PRPSAP1: variants seen among roughly 807,000 people sequenced by gnomAD.
PRPSAP1 encodes phosphoribosyl pyrophosphate synthetase associated protein 1.
In PRPSAP1, 31 loss-of-function variants were observed where a neutral mutation model predicts 39.4. The ratio of observed to expected loss-of-function variants is 0.79; its 90% CI spans 0.59 to 1.06. The LOEUF (loss-of-function observed/expected upper bound fraction) is 1.06. Among genes scored for constraint, PRPSAP1 ranks in the 50% least tolerant of loss-of-function variants. The pLI is 0.00. For synonymous variants in PRPSAP1, 212 were observed against 192.6 expected, an observed-to-expected ratio of 1.10 and a Z score of -0.83; for missense variants, 430 against 511.6, an observed-to-expected ratio of 0.84 and a Z score of 1.54.
At chr17:76,344,821 C>A (rs2071478380) in intron 2 of PRPSAP1, 84 bp from the exon 3 acceptor site, 3 of 1,038,552 alleles carry the variant, frequency 2.9e-6, no homozygotes, top group Middle Eastern at 2.4e-4. Flanking sequence ...TACTTCATGC[C>A]GGGCGCGGTG....
At chr17:76,332,118 G>A (rs896478819) in intron 4 of PRPSAP1, 145 bp downstream of exon 4, 23 of 893,464 alleles carry the variant, frequency 2.6e-5, no homozygotes, top group South Asian at 1.5e-4. Context: ...ATTTCTAACC[G>A]AGCTCACATA....
At chr17:76,325,226 G>A (rs1390918931) in intron 7 of PRPSAP1, among the ~76,000 whole-genome samples, 4 of 151,100 alleles carry the variant, frequency 2.6e-5, no homozygotes, top group East Asian at 2.0e-4. Context: ...TGGCTAACTC[G>A]GTGAAATGCC....
At chr17:76,328,279 A>G (rs2071275285) in intron 7 of PRPSAP1, among the ~76,000 whole-genome samples, 1 of 152,066 alleles carries the variant, frequency 6.6e-6, no homozygotes. Flanking sequence ...GATAACTCCT[A>G]GCCATTCATA....
intron 3 of PRPSAP1, among the ~76,000 whole-genome samples, chr17:76,342,411 T>C (rs1359377322): frequency 6.6e-6 from 1 of 151,996 alleles, no homozygotes; most frequent in African/African-American, 2.4e-5. Context: ...TCTTCAAATG[T>C]GTCAAAGTTT....
chr17:76,352,913 AC>A (rs2071594064), intron 1 of PRPSAP1: 1 of 152,208 alleles, frequency 6.6e-6, no homozygotes, highest in South Asian at 2.1e-4. Context: ...GCGACTTAAG[AC>A]CAGGGGCTTG....
intron 1 of PRPSAP1, among the ~76,000 whole-genome samples, chr17:76,349,008 C>A (rs895382852): frequency 3.4e-4 from 51 of 152,108 alleles, no homozygotes; most frequent in Middle Eastern, 6.8e-3. Context: ...TAGAATAAAC[C>A]AAGTGTAAAA....
chr17:76,330,252 A>G lies in PRPSAP1; in HGVS notation c.580-154T>C, dbSNP rs1334025298. 3 of 652,350 alleles carry G rather than the reference A, an allele frequency of 4.6e-6. No homozygotes were observed. The Admixed American group carries it at 8.9e-5, about 19-fold the overall frequency. The allele number at this position is 652,350 out of a possible 1,614,324, so 40.4% of individuals were successfully genotyped here. On this transcript the variant is annotated intron_variant, in intron 5 of 9. Transcript: ENST00000446526. ...AGTTTTAGATTTTTCAATATTTATC[A>G]ATTAACATCACTGGAAAAAGCACTC...
In PRPSAP1 at chr17:76,311,427, A is replaced by G; in HGVS notation, c.*115T>C. On this transcript the variant is annotated 3_prime_UTR_variant, in exon 10 of 10. Coordinates refer to ENST00000446526, the MANE Select transcript of PRPSAP1 (RefSeq NM_002766.3). ...TCCCCATCAATCCGGGCAAAAGAAG[A>G]TATCTAACTCCAGGCTGTTTCGAGT... The G allele has an allele frequency of 1.7e-6, 2 of 1,173,526 alleles. No individual in the cohort carries two copies. The highest frequency in any genetic ancestry group is 1.2e-6 in the Non-Finnish European group (1 of 854,336). 72.7% of individuals were successfully genotyped at this position (1,173,526 alleles called of 1,614,324 possible).
intron 9 of PRPSAP1, among the ~76,000 whole-genome samples, chr17:76,312,277 A>T (rs379503): frequency 7.2e-5 from 11 of 152,008 alleles, no homozygotes; most frequent in Middle Eastern, 3.4e-3. Flanking sequence ...CCCGTTTCTA[A>T]GAAAAACACA....
chr17:76,333,846 C>T (rs1339490149), intron 3 of PRPSAP1, among the ~76,000 whole-genome samples: 1 of 138,920 alleles, frequency 7.2e-6, no homozygotes, highest in Admixed American at 7.4e-5. Flanking sequence ...CTAATGTAGA[C>T]TCTGCATTCA....
intron 7 of PRPSAP1, among the ~76,000 whole-genome samples, chr17:76,320,757 A>G (rs994570393): frequency 4.0e-5 from 6 of 150,662 alleles, no homozygotes; most frequent in Non-Finnish European, 7.4e-5. Flanking sequence ...ACCCTGTGTC[A>G]AGCAAGTCTA....
chr17:76,341,234 G>GGT (rs1567807810), intron 3 of PRPSAP1, among the ~76,000 whole-genome samples: 2 of 119,976 alleles, frequency 1.7e-5, no homozygotes. Context: ...ACTTTTTTTT[G>GGT]TTTTTTTTTT....
chr17:76,334,356 CAG>C (rs2071357347), intron 3 of PRPSAP1, among the ~76,000 whole-genome samples: 1 of 152,304 alleles, frequency 6.6e-6, no homozygotes, highest in East Asian at 1.9e-4. Context: ...ATACACACAG[CAG>C]AGTTAGCGTT....
At chr17:76,347,067 TG>T (rs1212117092) in intron 2 of PRPSAP1, among the ~76,000 whole-genome samples, 7 of 151,152 alleles carry the variant, frequency 4.6e-5, no homozygotes, top group Non-Finnish European at 8.8e-5. Flanking sequence ...GAAAGAACAA[TG>T]GGGCTGGAAA....
Position 76,309,816 on chromosome 17 carries a change from T to C in PRPSAP1, c.*1726A>G, listed in dbSNP as rs1040774710. ...GTTGAGTCCTGGAACCAATCACCCA[T>C]GGATTGTAAGGAATAACTGTACTAT... On this transcript the variant is annotated 3_prime_UTR_variant, in exon 10 of 10. Coordinates refer to ENST00000446526, the MANE Select transcript of PRPSAP1 (RefSeq NM_002766.3). 7 of 152,234 alleles carry C rather than the reference T, an allele frequency of 4.6e-5. No homozygotes were observed. The highest frequency in any genetic ancestry group is 1.2e-4 in the African/African-American group (5 of 41,458). The allele number at this position is 152,234 out of a possible 1,614,324, so 9.4% of individuals were successfully genotyped here.
At chr17:76,317,828 A>C (rs1226532467) in intron 7 of PRPSAP1, among the ~76,000 whole-genome samples, 1 of 152,148 alleles carries the variant, frequency 6.6e-6, no homozygotes, top group African/African-American at 2.4e-5. Flanking sequence ...CCCAACATAT[A>C]ATCTTTTCAA....
chr17:76,330,432 C>T, intron 5 of PRPSAP1, 119 bp downstream of exon 5: 1 of 731,510 alleles, frequency 1.4e-6, no homozygotes, highest in East Asian at 2.7e-5. Flanking sequence ...CTGCCTCAGG[C>T]ATTGTGACTT....
chr17:76,312,671 T>A, intron 9 of PRPSAP1, 199 bp downstream of exon 9: 1 of 522,810 alleles, frequency 1.9e-6, no homozygotes, highest in Non-Finnish European at 3.1e-6. Context: ...CATCATAAAG[T>A]CAAAAACTTC....
chr17:76,322,377 C>CA (rs2071207179), intron 7 of PRPSAP1, among the ~76,000 whole-genome samples: 1 of 152,186 alleles, frequency 6.6e-6, no homozygotes, highest in Non-Finnish European at 1.5e-5. Context: ...GCCTGGGCGA[C>CA]AGAGCAAGAC....
Sources: allele counts gnomAD v4.1 joint callset (sites outside exome capture counted in the v4.1 genomes callset), GRCh38; gene constraint gnomAD v4.1.1; transcripts MANE v1.5; gene names NCBI Gene and HGNC (gene_info 2026-07-23, HGNC 2026-07-21).